Variants in PSMD1 observed in about 807,000 individuals in gnomAD.
PSMD1 encodes the protein 26S proteasome non-ATPase regulatory subunit 1.
A neutral mutation model predicts 119.0 loss-of-function variants in PSMD1; 18 were observed. The ratio of observed to expected loss-of-function variants is 0.15; its 90% CI spans 0.10 to 0.22. The LOEUF (loss-of-function observed/expected upper bound fraction) is 0.22, where lower values mean the gene tolerates loss of function less well. Among genes scored for constraint, PSMD1 ranks in the 10% least tolerant of loss-of-function variants. The pLI is 1.00. For missense variants in PSMD1, 702 were observed against 1,158.5 expected, an observed-to-expected ratio of 0.61 and a Z score of 5.72; for synonymous variants, 374 against 396.6, an observed-to-expected ratio of 0.94 and a Z score of 0.68.
intron 16 of PSMD1, among the ~76,000 whole-genome samples, chr2:231,097,532 A>G (rs1049553932): frequency 6.6e-6 from 1 of 152,224 alleles, no homozygotes; most frequent in Non-Finnish European, 1.5e-5. Context: ...TTCCCAAGCC[A>G]TCTGACTAGT....
rs1694278201 is a variant in PSMD1 at position 231,080,310 on chromosome 2, A to G, written c.1409A>G (p.Asn470Ser). 1 of 1,594,746 alleles carries G rather than the reference A, an allele frequency of 6.3e-7. No individual in the cohort carries two copies. The highest frequency in any genetic ancestry group is 1.3e-5 in the African/African-American group (1 of 74,212). Residue 470 changes from asparagine to serine, a missense_variant, in exon 12 of 25, where the codon AAT (asparagine) becomes AGT (serine). By Grantham distance (46) the Asn-to-Ser change is conservative. Transcript: ENST00000308696. ...CTTAATCAGCTTAAGAACGCCAGCA[A>G]TGATGTAAGTATTAAAATGGAAAAC... The part of the protein sequence containing the change: ...YLLNQLKNAS[N>S]DIVRHGGSLG...
chr2:231,069,785 A>T (rs1397624459), intron 5 of PSMD1, among the ~76,000 whole-genome samples: 2 of 152,234 alleles, frequency 1.3e-5, no homozygotes, highest in Non-Finnish European at 2.9e-5. Context: ...TGTAATAGTG[A>T]TTCTGAGTAC....
intron 3 of PSMD1, 78 bp downstream of exon 3, chr2:231,062,399 C>G (rs767587769): frequency 2.6e-6 from 4 of 1,514,562 alleles, no homozygotes; most frequent in African/African-American, 1.4e-5. Context: ...CTTATTGATT[C>G]ATTTAGAAAT....
At chr2:231,097,046 A>G (rs775827996) in intron 16 of PSMD1, among the ~76,000 whole-genome samples, 7 of 152,244 alleles carry the variant, frequency 4.6e-5, no homozygotes, top group Non-Finnish European at 7.3e-5. Context: ...ATATCTAACA[A>G]TCCCTCCCCT....
At position 231,138,703 on chromosome 2, in the gene PSMD1, A is replaced by G. The variant is rs537980000; in HGVS notation, c.1884-33A>G. On this transcript the variant is annotated intron_variant, in intron 16 of 24. Coordinates refer to ENST00000308696, the MANE Select transcript of PSMD1 (RefSeq NM_002807.4). ...TGTCTTAACTTAAAATAGATTACCT[A>G]TAACAGTGGCTTCGCTTTCTGTTTC... 1.1e-5 allele frequency: 16 copies of G among 1,501,342 alleles called. No homozygotes were observed. The East Asian group carries it at 2.9e-4, about 27-fold the overall frequency. 93.0% of individuals were successfully genotyped at this position (1,501,342 alleles called of 1,614,324 possible). A position where few individuals can be genotyped will look rare whatever the true frequency, so the allele number is the denominator to read the frequency against.
At chr2:231,094,013 TTAAC>T (rs775943505) in intron 16 of PSMD1, among the ~76,000 whole-genome samples, 5 of 152,204 alleles carry the variant, frequency 3.3e-5, no homozygotes, top group Non-Finnish European at 7.3e-5. Context: ...TGTGCACTAA[TTAAC>T]TGAGAATTGG....
At chr2:231,123,268 A>G in intron 16 of PSMD1, 1 of 712,446 alleles carries the variant, frequency 1.4e-6, no homozygotes, top group South Asian at 1.5e-5. Context: ...ATGATATAAA[A>G]CAAGGGACTG....
Position 231,085,269 on chromosome 2 carries a change from A to T in PSMD1, c.1818+155A>T, listed in dbSNP as rs139162877. 2.2e-3 allele frequency among the ~76,000 whole-genome samples: 340 copies of T among 152,362 alleles called. 1 individual carries two copies. Among genetic ancestry groups the T allele is most frequent in the African/African-American group, 7.7e-3 (322 of 41,582 alleles). On this transcript the variant is annotated intron_variant, in intron 15 of 24. Coordinates refer to ENST00000308696, the MANE Select transcript of PSMD1 (RefSeq NM_002807.4). ...TACTGGACCCAACAGGCCATAACCT[A>T]GCACTAGATTCACTTAGCTTTTCAG... is the stretch of plus-strand genomic sequence containing the variant.
At chr2:231,069,898 C>T (rs1574706317) in intron 5 of PSMD1, 127 bp from the exon 6 acceptor site, 1 of 660,062 alleles carries the variant, frequency 1.5e-6, no homozygotes, top group East Asian at 3.5e-5. Flanking sequence ...GTTTGTATTG[C>T]TTAAGAGGTC....
intron 5 of PSMD1, among the ~76,000 whole-genome samples, chr2:231,069,096 C>T (rs984761777): frequency 6.6e-6 from 1 of 151,940 alleles, no homozygotes; most frequent in African/African-American, 2.4e-5. Flanking sequence ...CAACAAAGTT[C>T]CTGCCCAAAG....
At chr2:231,093,391 G>C (rs1364609835) in intron 16 of PSMD1, among the ~76,000 whole-genome samples, 2 of 152,188 alleles carry the variant, frequency 1.3e-5, no homozygotes, top group Non-Finnish European at 2.9e-5. Flanking sequence ...CATCCCCCAG[G>C]TAAAGTCCGG....
At chr2:231,146,092 A>G (rs2125254162) in intron 17 of PSMD1, 148 bp from the exon 18 acceptor site, 1 of 567,336 alleles carries the variant, frequency 1.8e-6, no homozygotes, top group South Asian at 2.0e-5. Context: ...AGGCAATAGT[A>G]ATTTTTCAAC....
At chr2:231,141,512 C>T (rs548201436) in intron 17 of PSMD1, among the ~76,000 whole-genome samples, 1 of 150,744 alleles carries the variant, frequency 6.6e-6, no homozygotes, top group East Asian at 2.0e-4. Context: ...TCACTGCAGC[C>T]TCAATCTCCC....
At chr2:231,084,453 A>G (rs1472587334) in intron 14 of PSMD1, among the ~76,000 whole-genome samples, 11 of 151,958 alleles carry the variant, frequency 7.2e-5, no homozygotes, top group Admixed American at 7.2e-4. Context: ...ACCAATCTCT[A>G]TACTTGTTTA....
chr2:231,127,286 AAAC>A (rs897960826), intron 16 of PSMD1, among the ~76,000 whole-genome samples: 8 of 152,216 alleles, frequency 5.3e-5, no homozygotes, highest in South Asian at 2.1e-4. Context: ...AAAAAAAAAA[AAAC>A]AAGAATTTAA....
chr2:231,163,100 CAA>C (rs202054935), intron 20 of PSMD1: 18 of 102,100 alleles, frequency 1.8e-4, no homozygotes, highest in African/African-American at 2.3e-4. Context: ...AACTCCGTCT[CAA>C]AAAAAAAAAA....
chr2:231,168,177 G>A (rs1696831133), intron 23 of PSMD1, among the ~76,000 whole-genome samples: 1 of 152,180 alleles, frequency 6.6e-6, no homozygotes, highest in African/African-American at 2.4e-5. Context: ...GCACAGACAA[G>A]AATATGCAGA....
intron 17 of PSMD1, 75 bp from the exon 18 acceptor site, chr2:231,146,165 G>A (rs1696247255): frequency 1.0e-6 from 1 of 971,004 alleles, no homozygotes; most frequent in African/African-American, 1.6e-5. Context: ...TCGTTACATG[G>A]CATGTGACTA....
chr2:231,083,401 G>A (rs1694360840), intron 13 of PSMD1, among the ~76,000 whole-genome samples, 166 bp from the exon 14 acceptor site: 1 of 152,146 alleles, frequency 6.6e-6, no homozygotes, highest in Admixed American at 6.5e-5. Flanking sequence ...ATGTATGAAT[G>A]TGCTTCCACA....
Sources: allele counts gnomAD v4.1 joint callset (sites outside exome capture counted in the v4.1 genomes callset), GRCh38; gene constraint gnomAD v4.1.1; transcripts MANE v1.5; gene names NCBI Gene and HGNC (gene_info 2026-07-23, HGNC 2026-07-21).